Variants in MAN1A1 observed in about 807,000 individuals in gnomAD.
The protein encoded by MAN1A1 is mannosidase alpha class 1A member 1.
A neutral mutation model predicts 70.8 loss-of-function variants in MAN1A1; 29 were observed. That is an observed-to-expected ratio of 0.41 (90% confidence interval 0.31 to 0.56). The LOEUF (loss-of-function observed/expected upper bound fraction) is 0.56, where lower values mean the gene tolerates loss of function less well. Among genes scored for constraint, MAN1A1 ranks in the 20% least tolerant of loss-of-function variants. The pLI is 0.29. For synonymous variants in MAN1A1, 349 were observed against 330.1 expected (o/e 1.06, Z -0.62); for missense variants, 747 against 841.3 (o/e 0.89, Z 1.39).
intron 5 of MAN1A1, among the ~76,000 whole-genome samples, chr6:119,288,604 A>G (rs1194066466): frequency 6.6e-6 from 1 of 151,938 alleles, no homozygotes; most frequent in Non-Finnish European, 1.5e-5. Flanking sequence ...AGTAACTGGG[A>G]GAAATAGGCA....
intron 5 of MAN1A1, among the ~76,000 whole-genome samples, chr6:119,281,063 T>C (rs2114398298): frequency 6.6e-6 from 1 of 152,332 alleles, no homozygotes; most frequent in East Asian, 1.9e-4. Flanking sequence ...GTTTCAAATC[T>C]GGAAGGCCGG....
At chr6:119,240,464 G>A (rs1774973021) in intron 6 of MAN1A1, among the ~76,000 whole-genome samples, 1 of 152,170 alleles carries the variant, frequency 6.6e-6, no homozygotes, top group South Asian at 2.1e-4. Context: ...TCAAGGAAAA[G>A]GCGGGAGGGT....
chr6:119,214,403 A>G (rs1018979134), intron 6 of MAN1A1, among the ~76,000 whole-genome samples: 8 of 152,234 alleles, frequency 5.3e-5, no homozygotes, highest in African/African-American at 1.9e-4. Flanking sequence ...AAAACTACAT[A>G]TTTTCTAGAA....
intron 5 of MAN1A1, among the ~76,000 whole-genome samples, chr6:119,267,317 AGAAT>A (rs1775784919): frequency 7.3e-6 from 1 of 136,260 alleles, no homozygotes; most frequent in Non-Finnish European, 1.6e-5. Context: ...CATGTATTAT[AGAAT>A]ATTTACATGT....
chr6:119,247,804 G>A (rs367605390), intron 6 of MAN1A1, among the ~76,000 whole-genome samples: 2 of 152,120 alleles, frequency 1.3e-5, no homozygotes, highest in Admixed American at 6.6e-5. Flanking sequence ...CCCAGTCTCC[G>A]TTATACCAGC....
chr6:119,230,778 C>A (rs1016636612), intron 6 of MAN1A1, among the ~76,000 whole-genome samples: 1 of 152,078 alleles, frequency 6.6e-6, no homozygotes, highest in African/African-American at 2.4e-5. Context: ...GGGGAAAAAA[C>A]CCCAAGTGAA....
At chr6:119,289,111 C>T (rs1013658156) in intron 5 of MAN1A1, among the ~76,000 whole-genome samples, 1 of 151,518 alleles carries the variant, frequency 6.6e-6, no homozygotes, top group Non-Finnish European at 1.5e-5. Context: ...TATAGAAACA[C>T]ATATATGTAT....
At chr6:119,183,609 G>A (rs147919867) in intron 11 of MAN1A1, among the ~76,000 whole-genome samples, 1 of 152,230 alleles carries the variant, frequency 6.6e-6, no homozygotes, top group East Asian at 1.9e-4. Flanking sequence ...ATGAGCTAAT[G>A]AGAGGGCCAG....
At chr6:119,335,608 A>G (rs2114499917) in intron 2 of MAN1A1, among the ~76,000 whole-genome samples, 1 of 152,350 alleles carries the variant, frequency 6.6e-6, no homozygotes, top group South Asian at 2.1e-4. Flanking sequence ...TGCACACAAA[A>G]TCAGTGACAC....
At chr6:119,304,588 A>AT (rs527762716) in intron 3 of MAN1A1, among the ~76,000 whole-genome samples, 388 of 152,096 alleles carry the variant, frequency 2.6e-3, no homozygotes, top group Non-Finnish European at 4.4e-3. Flanking sequence ...AATACTTAAG[A>AT]TTTTTTTTAT....
chr6:119,266,603 T>C (rs772897459), intron 5 of MAN1A1, among the ~76,000 whole-genome samples: 3 of 152,090 alleles, frequency 2.0e-5, no homozygotes, highest in East Asian at 1.9e-4. Context: ...AAATGGATCA[T>C]AGACCTAAAT....
intron 4 of MAN1A1, among the ~76,000 whole-genome samples, chr6:119,296,952 C>T (rs1772232265): frequency 6.6e-6 from 1 of 152,212 alleles, no homozygotes; most frequent in South Asian, 2.1e-4. Flanking sequence ...AATTTTAACA[C>T]AGCTTTAGCT....
intron 2 of MAN1A1, among the ~76,000 whole-genome samples, chr6:119,340,964 A>G (rs1196805617): frequency 2.0e-5 from 3 of 152,192 alleles, no homozygotes; most frequent in African/African-American, 7.2e-5. Context: ...CACGAGCGAG[A>G]AGGAGTCATT....
At chr6:119,253,488 T>A (rs535124755) in intron 5 of MAN1A1, among the ~76,000 whole-genome samples, 1 of 152,202 alleles carries the variant, frequency 6.6e-6, no homozygotes, top group Non-Finnish European at 1.5e-5. Context: ...CTTGACCTCT[T>A]GCCAACCCAT....
intron 5 of MAN1A1, among the ~76,000 whole-genome samples, chr6:119,255,838 T>C (rs1775442583): frequency 6.6e-6 from 1 of 152,220 alleles, no homozygotes; most frequent in Non-Finnish European, 1.5e-5. Flanking sequence ...GTTTCTGTAA[T>C]TGATCAAAAC....
intron 2 of MAN1A1, among the ~76,000 whole-genome samples, chr6:119,330,820 T>C (rs1773290048): frequency 6.6e-6 from 1 of 152,092 alleles, no homozygotes; most frequent in Non-Finnish European, 1.5e-5. Context: ...TCAGGTCTAA[T>C]ACTTTACTTC....
At chr6:119,208,344 T>A (rs913922332) in intron 6 of MAN1A1, among the ~76,000 whole-genome samples, 2 of 152,210 alleles carry the variant, frequency 1.3e-5, no homozygotes, top group Non-Finnish European at 2.9e-5. Context: ...CAGTATTCTA[T>A]AAAGGTAATA....
chr6:119,224,619 T>A (rs1329034522), intron 6 of MAN1A1, among the ~76,000 whole-genome samples: 1 of 152,140 alleles, frequency 6.6e-6, no homozygotes, highest in East Asian at 1.9e-4. Context: ...AATATCCAGT[T>A]TTTAACACAA....
At chr6:119,336,120 A>G (rs1773444837) in intron 2 of MAN1A1, among the ~76,000 whole-genome samples, 1 of 152,150 alleles carries the variant, frequency 6.6e-6, no homozygotes, top group Non-Finnish European at 1.5e-5. Context: ...CCCAGGCTGG[A>G]GTGCAGTGGC....
Sources: allele counts gnomAD v4.1 joint callset (sites outside exome capture counted in the v4.1 genomes callset), GRCh38; gene constraint gnomAD v4.1.1; transcripts MANE v1.5; gene names NCBI Gene and HGNC (gene_info 2026-07-23, HGNC 2026-07-21).